Variants in ZGLP1 observed in about 807,000 individuals in gnomAD.
The protein encoded by ZGLP1 is zinc finger GATA like protein 1.
ZGLP1 carries 11 observed loss-of-function variants against 21.4 expected under a neutral mutation model. The observed-to-expected ratio is 0.51, with a 90% CI of 0.32 to 0.85. The LOEUF (loss-of-function observed/expected upper bound fraction) is 0.85, where lower values mean the gene tolerates loss of function less well. ZGLP1 is among the 40% of genes least tolerant of loss of function. The pLI, the probability that ZGLP1 is intolerant of heterozygous loss-of-function variation, is 0.03. For missense variants in ZGLP1, 295 were observed against 355.6 expected, an observed-to-expected ratio of 0.83 and a Z score of 1.37; for synonymous variants, 148 against 145.0, an observed-to-expected ratio of 1.02 and a Z score of -0.15.
chr19:10,307,016 C>A (rs1048328427), intron 1 of ZGLP1, among the ~76,000 whole-genome samples: 6 of 151,772 alleles, frequency 4.0e-5, no homozygotes, highest in African/African-American at 1.2e-4. Context: ...CACCTGTAAT[C>A]CCAGCTACTC....
Position 10,305,672 on chromosome 19 carries a change from G to A in ZGLP1, c.604+174C>T. 1 of 741,680 alleles carries A rather than the reference G, an allele frequency of 1.3e-6. No homozygotes were observed. Among genetic ancestry groups the A allele is most frequent in the Non-Finnish European group, 2.3e-6 (1 of 438,686 alleles). 45.9% of individuals were successfully genotyped at this position (741,680 alleles called of 1,614,324 possible). A position where few individuals can be genotyped will look rare whatever the true frequency, so the allele number is the denominator to read the frequency against. Reference sequence around the variant, plus strand: ...GAGACAGATGGCAGCATTCCGCAGAGGAGGAAGCTGGGGGTGGGGGTGACT... The same window carrying A: ...GAGACAGATGGCAGCATTCCGCAGAAGAGGAAGCTGGGGGTGGGGGTGACT... On this transcript the variant is annotated intron_variant, in intron 2 of 3. Coordinates refer to ENST00000403903, the Ensembl canonical transcript of ZGLP1. This position sits in a 1 kb window ranked among gnomAD's most constrained non-coding sequence, Gnocchi z 4.7.
Position 10,305,371 on chromosome 19 carries a change from C to T in ZGLP1, c.698+19G>A. Reference sequence around the variant, plus strand: ...GATTTGGGGACCCCCGCCCCAACTCCCTCCTCCATTCTAAGGACCTGATCC... The same window carrying T: ...GATTTGGGGACCCCCGCCCCAACTCTCTCCTCCATTCTAAGGACCTGATCC... On this transcript the variant is annotated intron_variant, in intron 3 of 3. Coordinates refer to ENST00000403903, the Ensembl canonical transcript of ZGLP1. This position sits in a 1 kb window ranked among gnomAD's most constrained non-coding sequence, Gnocchi z 4.7. The T allele has an allele frequency of 1.3e-6, 2 of 1,577,472 alleles. No individual in the cohort carries two copies. Among genetic ancestry groups the T allele is most frequent in the Non-Finnish European group, 1.7e-6 (2 of 1,161,030 alleles).
At chr19:10,308,614 G>T (rs767648109) in exon 1 of ZGLP1, 11 of 1,540,578 alleles carry the variant, frequency 7.1e-6, no homozygotes, top group Non-Finnish European at 8.7e-6. Flanking sequence ...CGGCCAGGGG[G>T]TTCCAACTTG....
At position 10,305,910 on chromosome 19, in the gene ZGLP1, A is replaced by G. The variant is rs1391083890; in HGVS notation, c.540T>C (p.Ala180=). The stretch of plus-strand genomic sequence containing the variant: ...CTGGGTGGGCTGCAGGGCCCCCAAC[A>G]GCATCTGCAGGGGATTCCTGAGAAC... Residue 180 remains alanine, a synonymous_variant, in exon 2 of 4, where the codon GCT becomes GCC. Coordinates refer to ENST00000403903, the Ensembl canonical transcript of ZGLP1. The surrounding 1 kb of genome is among the most constrained non-coding windows in gnomAD (Gnocchi z 4.7). The G allele has an allele frequency of 4.5e-6, 7 of 1,565,626 alleles. No homozygotes were observed. In the East Asian group the frequency reaches 1.6e-4, roughly 37 times the overall value.
intron 1 of ZGLP1, among the ~76,000 whole-genome samples, chr19:10,307,129 A>G (rs972804238): frequency 2.7e-5 from 4 of 150,938 alleles, no homozygotes; most frequent in African/African-American, 9.7e-5. Flanking sequence ...GTGCAACTCC[A>G]TCTCAAAAAA....
exon 1 of ZGLP1, chr19:10,308,187 G>A: frequency 1.3e-6 from 2 of 1,532,522 alleles, no homozygotes; most frequent in South Asian, 1.2e-5. Flanking sequence ...GCCCCTACCT[G>A]TACGTGGGGA....
chr19:10,304,879 C>T, exon 4 of ZGLP1: 1 of 581,948 alleles, frequency 1.7e-6, no homozygotes, highest in Non-Finnish European at 3.0e-6. Context: ...CTGAGGGGGC[C>T]TCGGCCAAGG....
Position 10,305,646 on chromosome 19 carries a change from G to A in ZGLP1, c.605-163C>T. 1.3e-6 allele frequency: 1 copy of A among 747,354 alleles called. No homozygotes were observed. Among genetic ancestry groups the A allele is most frequent in the Admixed American group, 2.2e-5 (1 of 44,940 alleles). 46.3% of individuals were successfully genotyped at this position (747,354 alleles called of 1,614,324 possible). Reference sequence around the variant, plus strand: ...TCTAAGCCACAGCAAAGCCAGGAAGGGAGACAGATGGCAGCATTCCGCAGA... The same window carrying A: ...TCTAAGCCACAGCAAAGCCAGGAAGAGAGACAGATGGCAGCATTCCGCAGA... On this transcript the variant is annotated intron_variant, in intron 2 of 3. Transcript: ENST00000403903. This position sits in a 1 kb window ranked among gnomAD's most constrained non-coding sequence, Gnocchi z 4.7.
Position 10,305,279 on chromosome 19 carries a change from C to T in ZGLP1, c.699-71G>A, listed in dbSNP as rs1398400223. ...CCCGGAAACCGCCACAAGGAAACCA[C>T]TTTTCCCAAGAGGTAGGTGTTTTGC... On this transcript the variant is annotated intron_variant, in intron 3 of 3. Transcript: ENST00000403903. The surrounding 1 kb of genome is among the most constrained non-coding windows in gnomAD (Gnocchi z 4.7). The T allele has an allele frequency of 2.5e-6, 4 of 1,577,976 alleles. No homozygotes were observed. The highest frequency in any genetic ancestry group is 1.7e-4 in the Middle Eastern group (1 of 6,012).
At position 10,309,810 on chromosome 19, in the gene ZGLP1, T is replaced by A; in HGVS notation, c.-1129A>T. On this transcript the variant is annotated 5_prime_UTR_variant, in exon 1 of 4. It removes an upstream start codon present in the reference 5' UTR. Transcript: ENST00000403903. ...CCTCTGCCTTGGATCCCCAGCGGCATCTTAGATCCCAGAGGGAAAAGAGAA... is the reference window on the plus strand; with the variant it reads ...CCTCTGCCTTGGATCCCCAGCGGCAACTTAGATCCCAGAGGGAAAAGAGAA... 1 of 152,040 alleles carries A rather than the reference T, an allele frequency of 6.6e-6. No homozygotes were observed. Among genetic ancestry groups the A allele is most frequent in the East Asian group, 1.9e-4 (1 of 5,168 alleles). The allele number at this position is 152,040 out of a possible 1,614,324, so 9.4% of individuals were successfully genotyped here.
At position 10,305,216 on chromosome 19, in the gene ZGLP1, T is replaced by C. The variant is rs1429207064; in HGVS notation, c.699-8A>G. On this transcript the variant is annotated splice_region_variant and splice_polypyrimidine_tract_variant and intron_variant, in intron 3 of 3. Coordinates refer to ENST00000403903, the Ensembl canonical transcript of ZGLP1. The surrounding 1 kb of genome is among the most constrained non-coding windows in gnomAD (Gnocchi z 4.7). ...GTGCCGTATTTCTTGTACCTAGGGT[T>C]GGGGGACAAGAAACTGCCATTTAGG... is the stretch of plus-strand genomic sequence containing the variant. The C allele has an allele frequency of 6.2e-7, 1 of 1,612,938 alleles. No homozygotes were observed. The highest frequency in any genetic ancestry group is 8.5e-7 in the Non-Finnish European group (1 of 1,179,052).
chr19:10,308,811 G>GC, exon 1 of ZGLP1: 1 of 837,138 alleles, frequency 1.2e-6, no homozygotes, highest in Non-Finnish European at 1.7e-6. Context: ...CACCCAGGCA[G>GC]GGACCGCCCT....
Position 10,305,571 on chromosome 19 carries a change from T to C in ZGLP1, c.605-88A>G. The stretch of plus-strand genomic sequence containing the variant: ...TGCGGAGTCGGGCATTTTGTGGGGG[T>C]CTCAGTAAAGGCCCCACCTAGCTCT... On this transcript the variant is annotated intron_variant, in intron 2 of 3. Coordinates refer to ENST00000403903, the Ensembl canonical transcript of ZGLP1. The surrounding 1 kb of genome is among the most constrained non-coding windows in gnomAD (Gnocchi z 4.7). 3 of 1,200,470 alleles carry C rather than the reference T, an allele frequency of 2.5e-6. No individual in the cohort carries two copies. Among genetic ancestry groups the C allele is most frequent in the Non-Finnish European group, 3.6e-6 (3 of 834,014 alleles). 74.4% of individuals were successfully genotyped at this position (1,200,470 alleles called of 1,614,324 possible). A position where few individuals can be genotyped will look rare whatever the true frequency, so the allele number is the denominator to read the frequency against.
exon 1 of ZGLP1, chr19:10,308,490 C>T: frequency 6.2e-7 from 1 of 1,611,854 alleles, no homozygotes; most frequent in Non-Finnish European, 8.5e-7. Flanking sequence ...CCAGCCTCTC[C>T]ACTGTCTCTT....
intron 1 of ZGLP1, among the ~76,000 whole-genome samples, chr19:10,307,059 G>C (rs576983450): frequency 6.6e-6 from 1 of 151,758 alleles, no homozygotes; most frequent in East Asian, 1.9e-4. Flanking sequence ...GTTTGAATCC[G>C]GGAGGCAGAG....
chr19:10,307,600 C>T (rs564581778), intron 1 of ZGLP1, among the ~76,000 whole-genome samples: 4 of 150,326 alleles, frequency 2.7e-5, no homozygotes, highest in African/African-American at 9.8e-5. Flanking sequence ...CTGAAGACTT[C>T]ACCTCCTGAG....
Position 10,305,352 on chromosome 19 carries a change from G to A in ZGLP1, c.698+38C>T, listed in dbSNP as rs1454705365. ...TCCTGGTTACACGTGGACTGATTTG[G>A]GGACCCCCGCCCCAACTCCCTCCTC... On this transcript the variant is annotated intron_variant, in intron 3 of 3. Transcript: ENST00000403903. This position sits in a 1 kb window ranked among gnomAD's most constrained non-coding sequence, Gnocchi z 4.7. 1 of 1,560,208 alleles carries A rather than the reference G, an allele frequency of 6.4e-7. No individual in the cohort carries two copies. The highest frequency in any genetic ancestry group is 1.2e-5 in the South Asian group (1 of 85,832).
chr19:10,305,666 C>T lies in ZGLP1; in HGVS notation c.604+180G>A, dbSNP rs933431307. 3.0e-5 allele frequency: 22 copies of T among 740,660 alleles called. No individual in the cohort carries two copies. Among genetic ancestry groups the T allele is most frequent in the Admixed American group, 6.6e-5 (3 of 45,308 alleles). 45.9% of individuals were successfully genotyped at this position (740,660 alleles called of 1,614,324 possible). A position where few individuals can be genotyped will look rare whatever the true frequency, so the allele number is the denominator to read the frequency against. ...GGAAGGGAGACAGATGGCAGCATTCCGCAGAGGAGGAAGCTGGGGGTGGGG... is the reference window on the plus strand; with the variant it reads ...GGAAGGGAGACAGATGGCAGCATTCTGCAGAGGAGGAAGCTGGGGGTGGGG... On this transcript the variant is annotated intron_variant, in intron 2 of 3. Coordinates refer to ENST00000403903, the Ensembl canonical transcript of ZGLP1. The surrounding 1 kb of genome is among the most constrained non-coding windows in gnomAD (Gnocchi z 4.7).
chr19:10,308,641 A>C, exon 1 of ZGLP1: 1 of 1,515,442 alleles, frequency 6.6e-7, no homozygotes, highest in Non-Finnish European at 8.8e-7. Flanking sequence ...CTCTTTGTGT[A>C]CCCTTGGACA....
Sources: allele counts gnomAD v4.1 joint callset (sites outside exome capture counted in the v4.1 genomes callset), GRCh38; gene constraint gnomAD v4.1.1; non-coding constraint Gnocchi (gnomAD v3.1); transcripts MANE v1.5; gene names NCBI Gene and HGNC (gene_info 2026-07-23, HGNC 2026-07-21).